Variants in CSMD1 observed in about 807,000 individuals in gnomAD.
CSMD1 encodes CUB and Sushi multiple domains 1, also known as CUB and sushi domain-containing protein 1.
In CSMD1, 213 loss-of-function variants were observed where a neutral mutation model predicts 417.5. That is an observed-to-expected ratio of 0.51 (90% confidence interval 0.46 to 0.57). The LOEUF is 0.57. Ranked by LOEUF, CSMD1 falls within the 20% of genes least tolerant of loss-of-function variation. CSMD1 has a pLI of 0.00. For synonymous variants in CSMD1, 2,862 were observed against 1,736.8 expected, an observed-to-expected ratio of 1.65 and a Z score of -16.11; for missense variants, 6,923 against 4,529.7, an observed-to-expected ratio of 1.53 and a Z score of -15.17.
chr8:3,290,952 G>C (rs1471347344), intron 25 of CSMD1, among the ~76,000 whole-genome samples: 2 of 152,138 alleles, frequency 1.3e-5, no homozygotes, highest in East Asian at 3.9e-4. Flanking sequence ...TATGATATTG[G>C]CTGTGGGTTT....
chr8:3,570,488 A>C (rs148855047), intron 10 of CSMD1, among the ~76,000 whole-genome samples: 1 of 152,308 alleles, frequency 6.6e-6, no homozygotes, highest in East Asian at 1.9e-4. Context: ...AAACATGACC[A>C]AATCGGGAAC....
At chr8:4,627,374 T>C (rs1486258017) in intron 2 of CSMD1, among the ~76,000 whole-genome samples, 2 of 152,150 alleles carry the variant, frequency 1.3e-5, no homozygotes, top group African/African-American at 2.4e-5. Flanking sequence ...TAGCTCTTTA[T>C]TGCATATTAA....
intron 1 of CSMD1, among the ~76,000 whole-genome samples, chr8:4,959,557 C>T (rs1168324799): frequency 6.6e-6 from 1 of 152,238 alleles, no homozygotes; most frequent in African/African-American, 2.4e-5. Context: ...CTGGTCACGG[C>T]ACTATAATTA....
intron 5 of CSMD1, among the ~76,000 whole-genome samples, chr8:3,842,950 A>G (rs1305901343): frequency 6.6e-6 from 1 of 152,192 alleles, no homozygotes; most frequent in East Asian, 1.9e-4. Flanking sequence ...TGAAACTACA[A>G]AAAGTCAACA....
chr8:3,230,074 C>T lies in CSMD1; in HGVS notation c.4311G>A (p.Arg1437=). 6.2e-7 allele frequency: 1 copy of T among 1,609,694 alleles called. No individual in the cohort carries two copies. The highest frequency in any genetic ancestry group is 8.5e-7 in the Non-Finnish European group (1 of 1,177,886). The change falls in exon 27 of 70, where the codon CGG becomes CGA. Residue 1437 remains arginine (R), a synonymous_variant. Coordinates refer to ENST00000635120, the MANE Select transcript of CSMD1 (RefSeq NM_033225.6). The stretch of plus-strand genomic sequence containing the variant: ...TAGGAGGGTCTGGTTGCCAAAAGAA[C>T]CGGTTATTCAGCTGCACACAGGTGA... ...AKITCVQLNN[R]FFWQPDPPTC... is the part of the protein sequence containing the mutation.
At chr8:3,223,514 A>C (rs923537771) in intron 28 of CSMD1, among the ~76,000 whole-genome samples, 1 of 152,204 alleles carries the variant, frequency 6.6e-6, no homozygotes. Flanking sequence ...AACAGTATTT[A>C]AAAATAATTC....
intron 1 of CSMD1, among the ~76,000 whole-genome samples, chr8:4,852,436 C>G (rs1801533177): frequency 6.6e-6 from 1 of 152,150 alleles, no homozygotes; most frequent in Non-Finnish European, 1.5e-5. Context: ...CTGCCCCTTT[C>G]ACTTCCAACA....
chr8:3,241,635 C>G (rs545426939), intron 26 of CSMD1, among the ~76,000 whole-genome samples: 1 of 152,288 alleles, frequency 6.6e-6, no homozygotes, highest in Admixed American at 6.5e-5. Flanking sequence ...GAATCCTGGG[C>G]TGCAGGCATT....
intron 15 of CSMD1, among the ~76,000 whole-genome samples, chr8:3,402,559 G>A (rs1449512908): frequency 6.6e-6 from 1 of 152,162 alleles, no homozygotes; most frequent in Admixed American, 6.5e-5. Context: ...CTGGCATCCA[G>A]AAAATTCTGC....
At chr8:3,407,327 A>T (rs1812406710) in intron 14 of CSMD1, among the ~76,000 whole-genome samples, 1 of 151,920 alleles carries the variant, frequency 6.6e-6, no homozygotes, top group Non-Finnish European at 1.5e-5. Context: ...GAATGGATGG[A>T]CACATGGATG....
At chr8:3,869,191 C>T (rs886924637) in intron 5 of CSMD1, among the ~76,000 whole-genome samples, 15 of 152,162 alleles carry the variant, frequency 9.9e-5, no homozygotes, top group African/African-American at 3.1e-4. Context: ...CCTGAGGCTT[C>T]TGCACTAGGC....
intron 62 of CSMD1, 22 bp downstream of exon 62, chr8:2,961,117 CAT>C: frequency 1.4e-6 from 2 of 1,437,110 alleles, no homozygotes; most frequent in Non-Finnish European, 1.9e-6. Flanking sequence ...AGAAAGAAAA[CAT>C]AGTAAATTCA....
intron 10 of CSMD1, among the ~76,000 whole-genome samples, chr8:3,521,129 C>T (rs758286410): frequency 2.4e-4 from 37 of 151,518 alleles, no homozygotes; most frequent in Middle Eastern, 6.8e-3. Flanking sequence ...GTCACCATTC[C>T]AGTCCATCCT....
intron 3 of CSMD1, among the ~76,000 whole-genome samples, chr8:4,164,225 AAAT>A (rs1212715677): frequency 6.6e-6 from 1 of 152,208 alleles, no homozygotes; most frequent in African/African-American, 2.4e-5. Context: ...AAAATATTTG[AAAT>A]ATACAAAAGT....
intron 1 of CSMD1, among the ~76,000 whole-genome samples, chr8:4,798,335 A>G (rs1019344543): frequency 6.6e-6 from 1 of 152,236 alleles, no homozygotes; most frequent in African/African-American, 2.4e-5. Flanking sequence ...TACAAAGGAC[A>G]TGAACTCATC....
At chr8:4,436,962 A>C (rs1798183390) in intron 2 of CSMD1, among the ~76,000 whole-genome samples, 1 of 152,188 alleles carries the variant, frequency 6.6e-6, no homozygotes, top group South Asian at 2.1e-4. Flanking sequence ...TAGAGTGTAC[A>C]GTGCTGCAAT....
intron 3 of CSMD1, among the ~76,000 whole-genome samples, chr8:4,404,402 A>T (rs1437247558): frequency 6.6e-6 from 1 of 152,196 alleles, no homozygotes; most frequent in Non-Finnish European, 1.5e-5. Flanking sequence ...TAATCTCTAG[A>T]AATTGTTTCA....
chr8:4,306,971 C>T (rs569722996), intron 3 of CSMD1, among the ~76,000 whole-genome samples: 9 of 152,276 alleles, frequency 5.9e-5, no homozygotes, highest in African/African-American at 9.6e-5. Context: ...TCTCTCAGAT[C>T]GACTGTCTTT....
At chr8:3,556,278 T>A (rs2116818629) in intron 10 of CSMD1, among the ~76,000 whole-genome samples, 1 of 151,300 alleles carries the variant, frequency 6.6e-6, no homozygotes, top group Admixed American at 6.6e-5. Context: ...CTCACCTCCC[T>A]ACAACCCCCA....
Sources: allele counts gnomAD v4.1 joint callset (sites outside exome capture counted in the v4.1 genomes callset), GRCh38; gene constraint gnomAD v4.1.1; transcripts MANE v1.5; gene names NCBI Gene and HGNC (gene_info 2026-07-23, HGNC 2026-07-21).